MMP20: variants seen among roughly 807,000 people sequenced by gnomAD.
MMP20 encodes the protein matrix metallopeptidase 20.
MMP20 carries 50 observed loss-of-function variants against 51.8 expected under a neutral mutation model. The observed-to-expected ratio is 0.97, with a 90% CI of 0.77 to 1.22. The LOEUF (loss-of-function observed/expected upper bound fraction) is 1.22, where lower values mean the gene tolerates loss of function less well. Ranked by LOEUF, MMP20 falls within the 50% of genes most tolerant of loss-of-function variation. MMP20 has a pLI of 0.00. For missense variants in MMP20, 663 were observed against 601.4 expected (o/e 1.10, Z -1.07); for synonymous variants, 244 against 216.2 (o/e 1.13, Z -1.13).
chr11:102,585,248 T>C (rs1859241717), intron 8 of MMP20, among the ~76,000 whole-genome samples: 1 of 152,148 alleles, frequency 6.6e-6, no homozygotes, highest in Non-Finnish European at 1.5e-5. Context: ...GAGATATCAC[T>C]CCATTTAGAT....
rs779304338 is a variant in MMP20 at position 102,610,049 on chromosome 11, A to T, written c.524-19T>A. ...CCGTGATCTAAACAAGTGGGGAGAA[A>T]GGCCAACAAGATTGAGTCCTTCTAG... On this transcript the variant is annotated intron_variant, in intron 3 of 9. Coordinates refer to ENST00000260228, the MANE Select transcript of MMP20 (RefSeq NM_004771.4). 9 of 1,613,866 alleles carry T rather than the reference A, an allele frequency of 5.6e-6. No individual in the cohort carries two copies. Among genetic ancestry groups the T allele is most frequent in the Non-Finnish European group, 7.6e-6 (9 of 1,179,914 alleles).
intron 6 of MMP20, among the ~76,000 whole-genome samples, chr11:102,601,773 A>T (rs1419846743): frequency 6.6e-6 from 1 of 152,170 alleles, no homozygotes; most frequent in South Asian, 2.1e-4. Flanking sequence ...GCTGTATATT[A>T]TACTCTCAGC....
intron 6 of MMP20, among the ~76,000 whole-genome samples, chr11:102,604,867 T>C (rs887745096): frequency 6.6e-6 from 1 of 152,210 alleles, no homozygotes; most frequent in Non-Finnish European, 1.5e-5. Flanking sequence ...TCCTATTTTT[T>C]TAGAAATCAT....
intron 8 of MMP20, among the ~76,000 whole-genome samples, chr11:102,590,322 A>G (rs1859303171): frequency 1.3e-5 from 2 of 152,198 alleles, no homozygotes; most frequent in Non-Finnish European, 2.9e-5. Context: ...AGTTTAACCA[A>G]TATGTCATTT....
chr11:102,599,373 T>A (rs1034175587), intron 6 of MMP20, among the ~76,000 whole-genome samples: 6 of 152,212 alleles, frequency 3.9e-5, no homozygotes, highest in African/African-American at 1.4e-4. Context: ...GATCAGGTGA[T>A]GTGGTGCAGT....
At chr11:102,587,079 C>G (rs1859263120) in intron 8 of MMP20, among the ~76,000 whole-genome samples, 1 of 152,070 alleles carries the variant, frequency 6.6e-6, no homozygotes, top group Admixed American at 6.5e-5. Flanking sequence ...TAAATATAGG[C>G]TTTTATAGCT....
chr11:102,615,189 T>C (rs2135945575), intron 2 of MMP20, among the ~76,000 whole-genome samples: 1 of 144,844 alleles, frequency 6.9e-6, no homozygotes, highest in Admixed American at 7.0e-5. Flanking sequence ...GTTTTAATAA[T>C]ATATTATTAA....
intron 6 of MMP20, among the ~76,000 whole-genome samples, chr11:102,600,948 C>A (rs1291569754): frequency 6.6e-6 from 1 of 152,030 alleles, no homozygotes; most frequent in African/African-American, 2.4e-5. Flanking sequence ...AAAATACACC[C>A]TTTTTTCCCA....
At chr11:102,623,381 G>A (rs1259456403) in intron 1 of MMP20, among the ~76,000 whole-genome samples, 3 of 152,198 alleles carry the variant, frequency 2.0e-5, no homozygotes, top group Non-Finnish European at 4.4e-5. Flanking sequence ...TGTCAGATCA[G>A]CAGAGTCATC....
chr11:102,618,318 T>C (rs1292501259), intron 1 of MMP20, among the ~76,000 whole-genome samples: 1 of 151,578 alleles, frequency 6.6e-6, no homozygotes, highest in East Asian at 1.9e-4. Flanking sequence ...AGTATAGACA[T>C]GTTTATTTAT....
At chr11:102,592,419 T>G (rs1220662156) in intron 8 of MMP20, among the ~76,000 whole-genome samples, 1 of 152,360 alleles carries the variant, frequency 6.6e-6, no homozygotes, top group East Asian at 1.9e-4. Context: ...AAAAGAAATT[T>G]GCTTTCTTAT....
At position 102,617,062 on chromosome 11, in the gene MMP20, G is replaced by T. The variant is rs1591624058; in HGVS notation, c.127-3C>A. 3 of 1,614,098 alleles carry T rather than the reference G, an allele frequency of 1.9e-6. No individual in the cohort carries two copies. Among genetic ancestry groups the T allele is most frequent in the Non-Finnish European group, 2.5e-6 (3 of 1,180,044 alleles). On this transcript the variant is annotated splice_region_variant and splice_polypyrimidine_tract_variant and intron_variant, in intron 1 of 9. Coordinates refer to ENST00000260228, the MANE Select transcript of MMP20 (RefSeq NM_004771.4). ...GTGTAATATTTGTCAAGATACGCCT[G>T]AAATGGAGAGGCAGGCTGACGCGTC... is the stretch of plus-strand genomic sequence containing the variant.
Position 102,577,080 on chromosome 11 carries a change from C to A in MMP20, c.*246G>T. On this transcript the variant is annotated 3_prime_UTR_variant, in exon 10 of 10. Transcript: ENST00000260228. ...AAGAAAAAATAATGGTGTCTAACTGCAGAGTGCATTGTGTTGATTTGGATT... is the reference window on the plus strand; with the variant it reads ...AAGAAAAAATAATGGTGTCTAACTGAAGAGTGCATTGTGTTGATTTGGATT... 1 of 474,212 alleles carries A rather than the reference C, an allele frequency of 2.1e-6. No individual in the cohort carries two copies. The highest frequency in any genetic ancestry group is 3.8e-6 in the Non-Finnish European group (1 of 259,768). The allele number at this position is 474,212 out of a possible 1,614,324, so 29.4% of individuals were successfully genotyped here.
intron 1 of MMP20, among the ~76,000 whole-genome samples, chr11:102,618,983 T>C (rs1441470911): frequency 2.6e-5 from 4 of 152,018 alleles, no homozygotes; most frequent in African/African-American, 9.7e-5. Context: ...AAACCTTAGG[T>C]GAGATGAGAA....
At chr11:102,602,736 A>G (rs1859465142) in intron 6 of MMP20, among the ~76,000 whole-genome samples, 1 of 152,180 alleles carries the variant, frequency 6.6e-6, no homozygotes, top group Non-Finnish European at 1.5e-5. Context: ...ATCAACCTTT[A>G]TGCTTACTCT....
rs763105283 is a variant in MMP20, at chr11:102,606,577, G to T, written c.911C>A (p.Ala304Asp). Residue 304 changes from alanine to aspartate, a missense_variant, in exon 6 of 10, where the codon GCT becomes GAT. Ala to Asp is a moderately radical substitution (Grantham distance 126). Transcript: ENST00000260228. Reference protein sequence around the residue: ...DLCDSSSSFDAVTMLGKELLL... With the variant: ...DLCDSSSSFDDVTMLGKELLL... ...GAGCTCCTTCCCCAGCATTGTCACA[G>T]CGTCAAAGGATGAGCTGGAGTCACA... 1 of 1,614,064 alleles carries T rather than the reference G, an allele frequency of 6.2e-7. No homozygotes were observed. The highest frequency in any genetic ancestry group is 1.1e-5 in the South Asian group (1 of 91,080).
chr11:102,611,190 T>C (rs980956517), intron 3 of MMP20, among the ~76,000 whole-genome samples: 5 of 152,100 alleles, frequency 3.3e-5, no homozygotes, highest in Admixed American at 2.6e-4. Context: ...ACTAGAAATG[T>C]TATCTGAGGA....
intron 8 of MMP20, among the ~76,000 whole-genome samples, chr11:102,587,093 A>AT (rs1243101739): frequency 1.3e-5 from 2 of 151,910 alleles, no homozygotes; most frequent in African/African-American, 2.4e-5. Flanking sequence ...TATAGCTATA[A>AT]TTTTTTTCTC....
chr11:102,578,910 G>T, intron 9 of MMP20, 129 bp downstream of exon 9: 1 of 706,632 alleles, frequency 1.4e-6, no homozygotes, highest in South Asian at 1.6e-5. Context: ...ATAAACTTAT[G>T]AAAGGACCTA....
Sources: allele counts gnomAD v4.1 joint callset (sites outside exome capture counted in the v4.1 genomes callset), GRCh38; gene constraint gnomAD v4.1.1; transcripts MANE v1.5; gene names NCBI Gene and HGNC (gene_info 2026-07-23, HGNC 2026-07-21).